The following DIAPH3 variants were observed in gnomAD, a reference collection of about 807,000 sequenced individuals.
The protein encoded by DIAPH3 is protein diaphanous homolog 3.
In DIAPH3, 117 loss-of-function variants were observed where a neutral mutation model predicts 144.3. That is an observed-to-expected ratio of 0.81 (90% confidence interval 0.70 to 0.95). The LOEUF is 0.95. Ranked by LOEUF, DIAPH3 falls within the 40% of genes least tolerant of loss-of-function variation. The pLI is 0.00. For missense variants in DIAPH3, 1,421 were observed against 1,412.7 expected (o/e 1.01, Z -0.09); for synonymous variants, 519 against 488.9 (o/e 1.06, Z -0.81).
rs1313614437 is a variant in DIAPH3, at chr13:60,028,244, A to C, written c.627-12099T>G. On this transcript the variant is annotated intron_variant, in intron 5 of 27. Coordinates refer to ENST00000400324, the MANE Select transcript of DIAPH3 (RefSeq NM_001042517.2). ...GCAAAAGGTCTCAAAAAATTTCATC[A>C]CAAGCATGGTCAGCACTTCTTGCCA... is the stretch of plus-strand genomic sequence containing the variant. Among the ~76,000 whole-genome samples, 4 of 151,902 alleles carry C rather than the reference A, an allele frequency of 2.6e-5. No individual in the cohort carries two copies. The East Asian group carries it at 7.7e-4, about 29-fold the overall frequency.
intron 20 of DIAPH3, among the ~76,000 whole-genome samples, chr13:59,891,697 G>T (rs1362583312): frequency 6.6e-6 from 1 of 151,954 alleles, no homozygotes; most frequent in Non-Finnish European, 1.5e-5. Flanking sequence ...CATTTAAACA[G>T]GGAAACCACT....
Position 60,010,669 on chromosome 13 carries a change from A to C in DIAPH3, c.772T>G (p.Tyr258Asp). Residue 258 changes from tyrosine to aspartate, a missense_variant and splice_region_variant, in exon 8 of 28, where the codon TAT becomes GAT. Physicochemically the swap from Tyr to Asp is radical, Grantham distance 160. Coordinates refer to ENST00000400324, the MANE Select transcript of DIAPH3 (RefSeq NM_001042517.2). ...TCACTCATAATTCTTTCCAAGCCAT[A>C]CTATAATATTTTGAAAATAAGAGGT... ...QCLKALMNTQ[Y>D]GLERIMSEER... 1 of 1,613,446 alleles carries C rather than the reference A, an allele frequency of 6.2e-7. No individual in the cohort carries two copies. The highest frequency in any genetic ancestry group is 8.5e-7 in the Non-Finnish European group (1 of 1,179,592).
At chr13:59,955,577 G>C (rs568284076) in intron 17 of DIAPH3, among the ~76,000 whole-genome samples, 2 of 152,124 alleles carry the variant, frequency 1.3e-5, no homozygotes, top group Non-Finnish European at 2.9e-5. Context: ...CAGAGTGGGC[G>C]CTGCTGTAAA....
chr13:59,762,792 C>T (rs1472522394), intron 27 of DIAPH3, among the ~76,000 whole-genome samples: 1 of 152,062 alleles, frequency 6.6e-6, no homozygotes, highest in East Asian at 1.9e-4. Context: ...ATTTAATTGC[C>T]ATCATAATAG....
intron 25 of DIAPH3, among the ~76,000 whole-genome samples, chr13:59,790,492 A>G (rs1051150630): frequency 1.3e-5 from 2 of 152,222 alleles, no homozygotes; most frequent in Admixed American, 1.3e-4. Flanking sequence ...TCAAAGTACT[A>G]TAAGTATTCA....
At chr13:59,768,863 A>G (rs2098859720) in intron 27 of DIAPH3, among the ~76,000 whole-genome samples, 1 of 152,196 alleles carries the variant, frequency 6.6e-6, no homozygotes, top group South Asian at 2.1e-4. Context: ...ATAATATAGC[A>G]AGATTTTGTT....
At chr13:60,141,529 C>A (rs1443552685) in intron 1 of DIAPH3, among the ~76,000 whole-genome samples, 1 of 152,160 alleles carries the variant, frequency 6.6e-6, no homozygotes. Context: ...AACAGGCAAG[C>A]ATTATAGCAA....
intron 27 of DIAPH3, among the ~76,000 whole-genome samples, chr13:59,712,491 C>G (rs2034803198): frequency 6.6e-6 from 1 of 152,192 alleles, no homozygotes; most frequent in South Asian, 2.1e-4. Context: ...ACCACTATCT[C>G]TTATCTGGAT....
At chr13:60,023,644 G>A (rs2054176800) in intron 5 of DIAPH3, among the ~76,000 whole-genome samples, 1 of 151,748 alleles carries the variant, frequency 6.6e-6, no homozygotes, top group Non-Finnish European at 1.5e-5. Context: ...ATTTTGGCCA[G>A]GCTAGTCTCG....
At chr13:59,902,282 A>G (rs940801055) in intron 20 of DIAPH3, among the ~76,000 whole-genome samples, 6 of 151,918 alleles carry the variant, frequency 3.9e-5, no homozygotes, top group Admixed American at 6.6e-5. Context: ...TGTTCTTGTG[A>G]TAAGAGTTCT....
At chr13:60,107,099 C>A (rs2058441690) in intron 3 of DIAPH3, among the ~76,000 whole-genome samples, 1 of 152,044 alleles carries the variant, frequency 6.6e-6, no homozygotes, top group South Asian at 2.1e-4. Flanking sequence ...TGTTAACTTT[C>A]TGATTTTGGT....
intron 5 of DIAPH3, among the ~76,000 whole-genome samples, chr13:60,024,407 C>T (rs1302036873): frequency 6.6e-6 from 1 of 152,102 alleles, no homozygotes; most frequent in African/African-American, 2.4e-5. Flanking sequence ...CTTTTTACTT[C>T]AGTTATTGTA....
At chr13:59,994,715 G>C (rs1482292920) in intron 9 of DIAPH3, among the ~76,000 whole-genome samples, 5 of 151,982 alleles carry the variant, frequency 3.3e-5, no homozygotes, top group South Asian at 2.1e-4. Flanking sequence ...CATGTTCAAA[G>C]ACATGGAACC....
At chr13:60,134,146 T>G (rs2059209992) in intron 1 of DIAPH3, among the ~76,000 whole-genome samples, 1 of 152,220 alleles carries the variant, frequency 6.6e-6, no homozygotes, top group Non-Finnish European at 1.5e-5. Context: ...GTAACTTGTA[T>G]CTAAAATGAA....
At chr13:59,860,796 AT>A (rs902022740) in intron 22 of DIAPH3, among the ~76,000 whole-genome samples, 5 of 152,144 alleles carry the variant, frequency 3.3e-5, no homozygotes, top group Non-Finnish European at 5.9e-5. Context: ...TAGTCAAAAA[AT>A]TATATTTAAA....
chr13:60,039,057 G>A (rs1401751376), intron 5 of DIAPH3, among the ~76,000 whole-genome samples: 2 of 151,508 alleles, frequency 1.3e-5, no homozygotes, highest in Non-Finnish European at 2.9e-5. Context: ...GAGAATACTA[G>A]ATAATCAATA....
chr13:59,930,214 TA>T (rs2047958875), intron 17 of DIAPH3, among the ~76,000 whole-genome samples: 1 of 152,164 alleles, frequency 6.6e-6, no homozygotes, highest in South Asian at 2.1e-4. Context: ...AAAAAATTAT[TA>T]AGCAACTAAA....
chr13:59,924,705 T>C (rs1441298976), intron 18 of DIAPH3, 70 bp downstream of exon 18: 1 of 1,549,764 alleles, frequency 6.5e-7, no homozygotes, highest in Non-Finnish European at 8.8e-7. Context: ...ATAATCGGTC[T>C]TAAAGAAAAT....
chr13:60,056,439 T>C lies in DIAPH3; in HGVS notation c.496-13619A>G, dbSNP rs558313974. 3.3e-5 allele frequency among the ~76,000 whole-genome samples: 5 copies of C among 151,950 alleles called. No homozygotes were observed. The South Asian group carries it at 8.3e-4, about 25-fold the overall frequency. ...TGTATTTCATATACACACATACTCA[T>C]GTACATATACACATATCACATACAT... is the stretch of plus-strand genomic sequence containing the variant. On this transcript the variant is annotated intron_variant, in intron 4 of 27. Coordinates refer to ENST00000400324, the MANE Select transcript of DIAPH3 (RefSeq NM_001042517.2).
Sources: allele counts gnomAD v4.1 joint callset (sites outside exome capture counted in the v4.1 genomes callset), GRCh38; gene constraint gnomAD v4.1.1; transcripts MANE v1.5; gene names NCBI Gene and HGNC (gene_info 2026-07-23, HGNC 2026-07-21).